The following AIPL1 variants were observed in gnomAD, a reference collection of about 807,000 sequenced individuals.
AIPL1 encodes AIP like 1 HSP90 co-chaperone.
A neutral mutation model predicts 32.9 loss-of-function variants in AIPL1; 23 were observed. The observed-to-expected ratio is 0.70, with a 90% CI of 0.50 to 0.99. The LOEUF is 0.99. Ranked by LOEUF, AIPL1 falls within the 50% of genes least tolerant of loss-of-function variation. AIPL1 has a pLI of 0.00. For missense variants in AIPL1, 485 were observed against 506.0 expected, an observed-to-expected ratio of 0.96 and a Z score of 0.40; for synonymous variants, 210 against 209.4, an observed-to-expected ratio of 1.00 and a Z score of -0.02.
At chr17:6,427,423 G>A (rs1003522634) in intron 3 of AIPL1, among the ~76,000 whole-genome samples, 1 of 152,278 alleles carries the variant, frequency 6.6e-6, no homozygotes, top group Admixed American at 6.5e-5. Context: ...ACCTTGTGCA[G>A]TGCACAGACC....
At position 6,433,878 on chromosome 17, in the gene AIPL1, A is replaced by G. The variant is rs377342834; in HGVS notation, c.276+41T>C. ...CGCAAAGCGGGTGGGTGAGCCCAGAAAAGACTAGTCCCAGGAGACAGGCGC... is the reference window on the plus strand; with the variant it reads ...CGCAAAGCGGGTGGGTGAGCCCAGAGAAGACTAGTCCCAGGAGACAGGCGC... On this transcript the variant is annotated intron_variant, in intron 2 of 5. Transcript: ENST00000381129. The G allele has an allele frequency of 7.4e-4, 1,194 of 1,605,930 alleles. 14 individuals are homozygous for G. In the South Asian group the frequency reaches 0.013, roughly 17 times the overall value.
chr17:6,434,980 C>T (rs376783513), intron 1 of AIPL1, 29 bp downstream of exon 1: 4 of 1,613,858 alleles, frequency 2.5e-6, no homozygotes, highest in African/African-American at 2.7e-5. Flanking sequence ...TGTGGGGGAC[C>T]CTGTCTGCTC....
intron 2 of AIPL1, among the ~76,000 whole-genome samples, chr17:6,429,010 GTT>G (rs1343237743): frequency 2.0e-5 from 3 of 152,236 alleles, no homozygotes; most frequent in African/African-American, 7.2e-5. Context: ...AGTGCTGCAG[GTT>G]AGCGGTGAGC....
chr17:6,427,302 A>G (rs1912098030), intron 3 of AIPL1, among the ~76,000 whole-genome samples: 1 of 152,234 alleles, frequency 6.6e-6, no homozygotes, highest in Non-Finnish European at 1.5e-5. Context: ...AATTGTCACG[A>G]ATACTCGTTT....
At chr17:6,426,432 G>C in intron 5 of AIPL1, 183 bp downstream of exon 5, 4 of 1,458,418 alleles carry the variant, frequency 2.7e-6, no homozygotes, top group Non-Finnish European at 3.6e-6. Flanking sequence ...GGGCCGCCCC[G>C]CGCCAAGCAC....
chr17:6,425,808 C>T lies in AIPL1; in HGVS notation c.807G>A (p.Val269=), dbSNP rs1911890317. The change falls in exon 6 of 6, where the codon GTG becomes GTA. Residue 269 remains valine, a synonymous_variant. Transcript: ENST00000381129. The part of the protein sequence containing the change: ...HHPGIVKAYY[V]RARAHAEVWN... ...ACACCTCTGCGTGAGCCCGGGCACG[C>T]ACGTAGTAGGCCTTCACGATGCCTG... is the stretch of plus-strand genomic sequence containing the variant. The T allele has an allele frequency of 6.2e-7, 1 of 1,604,990 alleles. No homozygotes were observed. Among genetic ancestry groups the T allele is most frequent in the Admixed American group, 1.7e-5 (1 of 60,020 alleles).
At chr17:6,429,518 C>G (rs1912338152) in intron 2 of AIPL1, among the ~76,000 whole-genome samples, 1 of 152,222 alleles carries the variant, frequency 6.6e-6, no homozygotes, top group African/African-American at 2.4e-5. Context: ...GGAGAGGCCC[C>G]AGAACCAGCT....
At position 6,435,072 on chromosome 17, in the gene AIPL1, C is replaced by G. The variant is rs369223841; in HGVS notation, c.33G>C (p.Gly11=). The G allele has an allele frequency of 2.2e-5, 36 of 1,614,190 alleles. 1 individual carries two copies. Among genetic ancestry groups the G allele is most frequent in the East Asian group, 2.0e-4 (9 of 44,860 alleles). The change falls in exon 1 of 6, where the codon GGG becomes GGC. Residue 11 remains glycine (G), a synonymous_variant. Coordinates refer to ENST00000381129, the MANE Select transcript of AIPL1 (RefSeq NM_014336.5). ...CCCCGTGCAGAATGGTTTTCTTGACCCCTTCCACGTTCAGGAGCAGAGCGG... is the reference window on the plus strand; with the variant it reads ...CCCCGTGCAGAATGGTTTTCTTGACGCCTTCCACGTTCAGGAGCAGAGCGG... MDAALLLNVE[G]VKKTILHGGT...
intron 2 of AIPL1, among the ~76,000 whole-genome samples, chr17:6,431,558 C>T (rs1441427932): frequency 6.6e-6 from 1 of 152,114 alleles, no homozygotes; most frequent in Admixed American, 6.5e-5. Flanking sequence ...TCCAAAACAA[C>T]CCCTTAACTT....
At chr17:6,430,330 C>T (rs1912464899) in intron 2 of AIPL1, among the ~76,000 whole-genome samples, 1 of 151,696 alleles carries the variant, frequency 6.6e-6, no homozygotes, top group Non-Finnish European at 1.5e-5. Flanking sequence ...GTGGTGAGCA[C>T]CTATAATTCC....
In AIPL1 at chr17:6,424,762, A is replaced by C. The variant is rs1377448162; in HGVS notation, c.*698T>G. 6.6e-6 allele frequency: 1 copy of C among 152,040 alleles called. No individual in the cohort carries two copies. Among genetic ancestry groups the C allele is most frequent in the East Asian group, 1.9e-4 (1 of 5,192 alleles). The allele number at this position is 152,040 out of a possible 1,614,324, so 9.4% of individuals were successfully genotyped here. ...GTATTTTTAGTAGAGATGAGGTTTC[A>C]CCATGTTGGCCAGGCTGGTCTGGAA... On this transcript the variant is annotated 3_prime_UTR_variant, in exon 6 of 6. Coordinates refer to ENST00000381129, the MANE Select transcript of AIPL1 (RefSeq NM_014336.5).
intron 2 of AIPL1, among the ~76,000 whole-genome samples, chr17:6,431,443 GA>G (rs1223741969): frequency 1.3e-5 from 2 of 150,480 alleles, no homozygotes; most frequent in Non-Finnish European, 2.9e-5. Flanking sequence ...ATGACAGAGT[GA>G]AACTCCATCT....
intron 2 of AIPL1, among the ~76,000 whole-genome samples, chr17:6,430,804 C>A (rs116172008): frequency 0.036 from 5,536 of 152,064 alleles, 205 homozygotes; most frequent in South Asian, 0.11. Flanking sequence ...TAACTGAAAT[C>A]ACAAAGAAGC....
intron 5 of AIPL1, 196 bp from the exon 6 acceptor site, chr17:6,426,026 T>A: frequency 9.5e-7 from 1 of 1,051,390 alleles, no homozygotes; most frequent in South Asian, 1.8e-5. Context: ...CTCCTCTCCT[T>A]TTTAAGGCCC....
Position 6,435,079 on chromosome 17 carries a change from A to G in AIPL1, c.26T>C (p.Val9Ala), listed in dbSNP as rs756836118. 6.2e-7 allele frequency: 1 copy of G among 1,614,016 alleles called. No individual in the cohort carries two copies. The highest frequency in any genetic ancestry group is 1.3e-5 in the African/African-American group (1 of 74,900). ...CAGAATGGTTTTCTTGACCCCTTCCACGTTCAGGAGCAGAGCGGCATCCAT... is the reference window on the plus strand; with the variant it reads ...CAGAATGGTTTTCTTGACCCCTTCCGCGTTCAGGAGCAGAGCGGCATCCAT... MDAALLLN[V>A]EGVKKTILHG... is the part of the protein sequence containing the mutation. The change falls in exon 1 of 6, where the codon GTG (valine) becomes GCG (alanine). Residue 9 changes from valine (V) to alanine (A), a missense_variant. Transcript: ENST00000381129.
At chr17:6,431,968 G>C (rs1912645078) in intron 2 of AIPL1, among the ~76,000 whole-genome samples, 1 of 152,216 alleles carries the variant, frequency 6.6e-6, no homozygotes, top group South Asian at 2.1e-4. Flanking sequence ...TATCAAAAAT[G>C]TGGGGAATAG....
At chr17:6,434,649 C>T (rs1195204763) in intron 1 of AIPL1, among the ~76,000 whole-genome samples, 1 of 152,204 alleles carries the variant, frequency 6.6e-6, no homozygotes, top group Non-Finnish European at 1.5e-5. Flanking sequence ...GGAGCCGCCT[C>T]GCCTGGCCAA....
At chr17:6,432,122 G>T (rs7502461) in intron 2 of AIPL1, among the ~76,000 whole-genome samples, 1 of 152,150 alleles carries the variant, frequency 6.6e-6, no homozygotes, top group South Asian at 2.1e-4. Flanking sequence ...TGGTGGCTCA[G>T]GCCTGTAATC....
chr17:6,426,865 G>A lies in AIPL1; in HGVS notation c.642+16C>T. ...GAGTCAGCGCCACTTCCCACCCCTG[G>A]CCAGCGGCCTCTGACCTTGGTCTGC... On this transcript the variant is annotated intron_variant, in intron 4 of 5. Transcript: ENST00000381129. 1 of 1,613,944 alleles carries A rather than the reference G, an allele frequency of 6.2e-7. No individual in the cohort carries two copies. Among genetic ancestry groups the A allele is most frequent in the Non-Finnish European group, 8.5e-7 (1 of 1,180,034 alleles).
Sources: allele counts gnomAD v4.1 joint callset (sites outside exome capture counted in the v4.1 genomes callset), GRCh38; gene constraint gnomAD v4.1.1; transcripts MANE v1.5; gene names NCBI Gene and HGNC (gene_info 2026-07-23, HGNC 2026-07-21).